The following DLG2 variants were observed in gnomAD, a reference collection of about 807,000 sequenced individuals.
The protein encoded by DLG2 is discs large MAGUK scaffold protein 2, also known as disks large homolog 2.
A neutral mutation model predicts 132.5 loss-of-function variants in DLG2; 45 were observed. The observed-to-expected ratio is 0.34, with a 90% confidence interval of 0.27 to 0.44. The LOEUF (loss-of-function observed/expected upper bound fraction) is 0.44, where lower values mean the gene tolerates loss of function less well. Ranked by LOEUF, DLG2 falls within the 20% of genes least tolerant of loss-of-function variation. The pLI is 1.00. For missense variants in DLG2, 1,045 were observed against 1,196.9 expected (o/e 0.87, Z 1.87); for synonymous variants, 424 against 419.6 (o/e 1.01, Z -0.13).
chr11:84,801,086 G>C (rs1001665466), intron 6 of DLG2, among the ~76,000 whole-genome samples: 1 of 152,058 alleles, frequency 6.6e-6, no homozygotes, highest in Non-Finnish European at 1.5e-5. Context: ...AATAGGAGTC[G>C]ATCTTAATTC....
intron 6 of DLG2, among the ~76,000 whole-genome samples, chr11:84,772,119 G>A (rs1169663925): frequency 6.6e-6 from 1 of 150,562 alleles, no homozygotes; most frequent in Non-Finnish European, 1.5e-5. Flanking sequence ...TCTTATATCA[G>A]ATAAAACAGA....
intron 15 of DLG2, among the ~76,000 whole-genome samples, chr11:83,906,296 CACACACACACACACACACACACA>C (rs2074928309): frequency 7.1e-6 from 1 of 140,166 alleles, no homozygotes; most frequent in Non-Finnish European, 1.6e-5. Flanking sequence ...CACACACACA[CACACACACACACACACACACACA>C]CCTCGGCCTC....
chr11:85,425,037 C>CAAACAA, intron 3 of DLG2, among the ~76,000 whole-genome samples: 1 of 40,766 alleles, frequency 2.5e-5, no homozygotes, highest in East Asian at 3.8e-4. Flanking sequence ...AACAAACAAA[C>CAAACAA]AAAAAAACAA....
chr11:83,761,418 C>T (rs1231274973), intron 18 of DLG2, among the ~76,000 whole-genome samples: 2 of 152,166 alleles, frequency 1.3e-5, no homozygotes, highest in African/African-American at 4.8e-5. Context: ...TGATATTTGG[C>T]CAATCCCAAG....
chr11:85,127,585 C>G (rs1274608515), intron 5 of DLG2, among the ~76,000 whole-genome samples: 1 of 152,118 alleles, frequency 6.6e-6, no homozygotes, highest in African/African-American at 2.4e-5. Context: ...TTCAACATGT[C>G]AAGTGCATAG....
At chr11:84,460,784 A>C (rs964997956) in intron 7 of DLG2, among the ~76,000 whole-genome samples, 1 of 150,758 alleles carries the variant, frequency 6.6e-6, no homozygotes, top group Non-Finnish European at 1.5e-5. Context: ...AGTGCTGATG[A>C]GGAATAAGAC....
rs554621412 is a variant in DLG2 at position 85,578,648 on chromosome 11, C to T, written c.40+20009G>A. On this transcript the variant is annotated intron_variant, in intron 3 of 27. Coordinates refer to ENST00000376104, the MANE Select transcript of DLG2 (RefSeq NM_001142699.3). ...TAAAAAAAGGCTCAATGTCACTGAT[C>T]ATTAGAGAAATGCAAATCAAAACTA... Among the ~76,000 whole-genome samples, 4 of 152,264 alleles carry T rather than the reference C, an allele frequency of 2.6e-5. No homozygotes were observed. The East Asian group carries it at 7.7e-4, about 29-fold the overall frequency.
chr11:84,492,043 G>A (rs906627116), intron 7 of DLG2, among the ~76,000 whole-genome samples: 2 of 152,084 alleles, frequency 1.3e-5, no homozygotes, highest in Admixed American at 1.3e-4. Context: ...AAGTAAACAT[G>A]AGGTAAAAAA....
intron 6 of DLG2, among the ~76,000 whole-genome samples, chr11:84,876,355 T>G (rs2086349561): frequency 6.6e-6 from 1 of 152,200 alleles, no homozygotes. Context: ...CTGCCTCAAT[T>G]TCAGAACTTG....
At chr11:84,348,904 G>A (rs376912990) in intron 7 of DLG2, among the ~76,000 whole-genome samples, 2 of 152,258 alleles carry the variant, frequency 1.3e-5, no homozygotes, top group African/African-American at 4.8e-5. Flanking sequence ...AGAGAAGCAT[G>A]GAACAGAGCT....
intron 6 of DLG2, among the ~76,000 whole-genome samples, chr11:85,004,361 C>T (rs897531974): frequency 6.6e-6 from 1 of 152,158 alleles, no homozygotes; most frequent in Non-Finnish European, 1.5e-5. Flanking sequence ...TCCTATTTCT[C>T]CACGTCCTCT....
intron 22 of DLG2, among the ~76,000 whole-genome samples, chr11:83,478,362 T>C (rs562177265): frequency 6.6e-6 from 1 of 152,214 alleles, no homozygotes; most frequent in African/African-American, 2.4e-5. Flanking sequence ...TTAGATTCCA[T>C]ATTTGCCCTA....
intron 6 of DLG2, among the ~76,000 whole-genome samples, chr11:84,918,758 T>C (rs1280483152): frequency 6.6e-6 from 1 of 152,186 alleles, no homozygotes; most frequent in Non-Finnish European, 1.5e-5. Flanking sequence ...GAAGCCTATA[T>C]GACTTCAAAG....
chr11:84,342,045 C>T (rs1300495074), intron 7 of DLG2, among the ~76,000 whole-genome samples: 1 of 152,106 alleles, frequency 6.6e-6, no homozygotes, highest in African/African-American at 2.4e-5. Flanking sequence ...ATGTCCTAAC[C>T]TGGACTTTTC....
chr11:85,472,264 C>T (rs745914745), intron 3 of DLG2, among the ~76,000 whole-genome samples: 3 of 152,124 alleles, frequency 2.0e-5, no homozygotes, highest in Non-Finnish European at 4.4e-5. Flanking sequence ...CAGGTAGGGG[C>T]TACCCACCTC....
chr11:84,515,923 T>C (rs937310191), intron 7 of DLG2, among the ~76,000 whole-genome samples: 1 of 151,666 alleles, frequency 6.6e-6, no homozygotes, highest in Non-Finnish European at 1.5e-5. Flanking sequence ...TAGAAATCAA[T>C]AATGGGAGAA....
At chr11:85,506,431 G>T (rs564643644) in intron 3 of DLG2, among the ~76,000 whole-genome samples, 1 of 145,918 alleles carries the variant, frequency 6.9e-6, no homozygotes, top group African/African-American at 2.5e-5. Flanking sequence ...GTTCTCATTG[G>T]TTTCAAAGGA....
At chr11:85,360,486 A>G (rs1028805265) in intron 3 of DLG2, among the ~76,000 whole-genome samples, 4 of 152,158 alleles carry the variant, frequency 2.6e-5, no homozygotes, top group Non-Finnish European at 5.9e-5. Context: ...CTTCACTACT[A>G]TTCTTCTACA....
At chr11:85,113,261 G>A (rs995554115) in intron 5 of DLG2, among the ~76,000 whole-genome samples, 2 of 152,006 alleles carry the variant, frequency 1.3e-5, no homozygotes, top group Non-Finnish European at 2.9e-5. Flanking sequence ...AACAGTGTTA[G>A]TATTTTGCCT....
Sources: allele counts gnomAD v4.1 joint callset (sites outside exome capture counted in the v4.1 genomes callset), GRCh38; gene constraint gnomAD v4.1.1; transcripts MANE v1.5; gene names NCBI Gene and HGNC (gene_info 2026-07-23, HGNC 2026-07-21).